The following DCAF8 variants were observed in gnomAD, a reference collection of about 807,000 sequenced individuals.
DCAF8 encodes DDB1- and CUL4-associated factor 8.
A neutral mutation model predicts 68.0 loss-of-function variants in DCAF8; 20 were observed. That is an observed-to-expected ratio of 0.29 (90% CI 0.21 to 0.43). The LOEUF is 0.43. DCAF8 is among the 20% of genes least tolerant of loss of function. The pLI, the probability that DCAF8 is intolerant of heterozygous loss-of-function variation, is 1.00. For missense variants in DCAF8, 460 were observed against 771.0 expected, an observed-to-expected ratio of 0.60 and a Z score of 4.78; for synonymous variants, 230 against 276.9, an observed-to-expected ratio of 0.83 and a Z score of 1.68.
At chr1:160,249,294 T>C (rs1656482321) in intron 2 of DCAF8, among the ~76,000 whole-genome samples, 1 of 152,214 alleles carries the variant, frequency 6.6e-6, no homozygotes. Context: ...GAGAATCCAC[T>C]AAACACTTAT....
intron 11 of DCAF8, 37 bp downstream of exon 11, chr1:160,222,614 G>C: frequency 6.2e-7 from 1 of 1,611,786 alleles, no homozygotes; most frequent in Non-Finnish European, 8.5e-7. Context: ...TGACTGGAGA[G>C]ATTAGGGAGC....
intron 3 of DCAF8, among the ~76,000 whole-genome samples, 161 bp downstream of exon 3, chr1:160,243,799 A>G (rs1298094154): frequency 1.3e-5 from 2 of 152,244 alleles, no homozygotes; most frequent in African/African-American, 2.4e-5. Flanking sequence ...GCAAAAGCAT[A>G]ATATAGTCCA....
At position 160,225,262 on chromosome 1, in the gene DCAF8, G is replaced by A. The variant is rs1336763602; in HGVS notation, c.1144-143C>T. On this transcript the variant is annotated intron_variant, in intron 8 of 13. Transcript: ENST00000368074. ...AGACAGAGACAAGAGTACAACTGAT[G>A]AAACATGACCACCTCAGGGGGTAGC... The A allele has an allele frequency of 2.1e-5, 17 of 803,696 alleles. No homozygotes were observed. In the South Asian group the frequency reaches 2.9e-4, roughly 14 times the overall value. 49.8% of individuals were successfully genotyped at this position (803,696 alleles called of 1,614,324 possible).
intron 9 of DCAF8, 77 bp downstream of exon 9, chr1:160,224,985 G>T: frequency 7.2e-7 from 1 of 1,389,764 alleles, no homozygotes; most frequent in Non-Finnish European, 1.0e-6. Flanking sequence ...GCACTGGAGG[G>T]CACATGCCTC....
chr1:160,258,357 G>T (rs1300949501), intron 2 of DCAF8, among the ~76,000 whole-genome samples: 1 of 152,000 alleles, frequency 6.6e-6, no homozygotes, highest in Admixed American at 6.6e-5. Flanking sequence ...TAAATAAATA[G>T]ACTGCACTTT....
At chr1:160,239,590 T>C (rs757657100) in intron 4 of DCAF8, 107 bp downstream of exon 4, 7 of 1,609,700 alleles carry the variant, frequency 4.3e-6, no homozygotes, top group Non-Finnish European at 5.9e-6. Flanking sequence ...TGTCCCGATA[T>C]GTAATTCCTA....
intron 2 of DCAF8, among the ~76,000 whole-genome samples, chr1:160,256,549 T>C (rs150470237): frequency 1.3e-5 from 2 of 152,146 alleles, no homozygotes; most frequent in African/African-American, 4.8e-5. Context: ...TATAGTAGCT[T>C]TCCAGATGGC....
At position 160,222,847 on chromosome 1, in the gene DCAF8, A is replaced by G. The variant is rs563796179; in HGVS notation, c.1310-66T>C. On this transcript the variant is annotated intron_variant, in intron 10 of 13. Coordinates refer to ENST00000368074, the MANE Select transcript of DCAF8 (RefSeq NM_015726.4). ...CATCAGGCCTATATACATTCATCTC[A>G]AAGGGAATTTAGTTATTCACAAACT... 10 of 1,595,050 alleles carry G rather than the reference A, an allele frequency of 6.3e-6. No individual in the cohort carries two copies. The African/African-American group carries it at 8.1e-5, about 13-fold the overall frequency.
rs533609755 is a variant in DCAF8 at position 160,239,164 on chromosome 1, C to T, written c.724-417G>A. 2.8e-4 allele frequency: 298 copies of T among 1,064,280 alleles called. 2 individuals are homozygous for T. Among genetic ancestry groups the T allele is most frequent in the Middle Eastern group, 4.4e-4 (1 of 2,274 alleles). The allele number at this position is 1,064,280 out of a possible 1,614,324, so 65.9% of individuals were successfully genotyped here. A position where few individuals can be genotyped will look rare whatever the true frequency, so the allele number is the denominator to read the frequency against. ...ACACCCTTAGGATAAATGGCTGGTACCAGTACAGTAGATGGGGCCAAGGAG... is the reference window on the plus strand; with the variant it reads ...ACACCCTTAGGATAAATGGCTGGTATCAGTACAGTAGATGGGGCCAAGGAG... On this transcript the variant is annotated intron_variant, in intron 4 of 13. Coordinates refer to ENST00000368074, the MANE Select transcript of DCAF8 (RefSeq NM_015726.4).
chr1:160,239,303 A>C, intron 4 of DCAF8: 1 of 1,132,746 alleles, frequency 8.8e-7, no homozygotes, highest in Non-Finnish European at 1.2e-6. Flanking sequence ...TCATAACCCT[A>C]TGTGTTATTA....
At chr1:160,230,642 C>T (rs1207994799) in intron 7 of DCAF8, among the ~76,000 whole-genome samples, 3 of 152,162 alleles carry the variant, frequency 2.0e-5, no homozygotes, top group South Asian at 4.1e-4. Context: ...TTCTAGTGCA[C>T]GTTTATTTAC....
At chr1:160,253,375 G>A (rs944871071) in intron 2 of DCAF8, among the ~76,000 whole-genome samples, 2 of 151,942 alleles carry the variant, frequency 1.3e-5, no homozygotes, top group Non-Finnish European at 1.5e-5. Context: ...AGTGGCTGAC[G>A]TCTAAGTGAC....
chr1:160,222,103 C>T (rs1254798322), intron 11 of DCAF8, among the ~76,000 whole-genome samples: 1 of 152,244 alleles, frequency 6.6e-6, no homozygotes, highest in Non-Finnish European at 1.5e-5. Context: ...CCCCTAAATA[C>T]TTCAACATGT....
rs11265356 is a variant in DCAF8 at position 160,217,103 on chromosome 1, G to A, written c.*489C>T. ...CTGGGATGGGGTTGCTGGGGGTGGG[G>A]GGGGAGCCAACTGTCATAAACTTTT... On this transcript the variant is annotated 3_prime_UTR_variant, in exon 14 of 14. Coordinates refer to ENST00000368074, the MANE Select transcript of DCAF8 (RefSeq NM_015726.4). 0.07 allele frequency: 10,611 copies of A among 152,388 alleles called. 1,279 individuals carry two copies. Among genetic ancestry groups the A allele is most frequent in the African/African-American group, 0.24 (10,046 of 41,280 alleles). 9.4% of individuals were successfully genotyped at this position (152,388 alleles called of 1,614,324 possible).
intron 7 of DCAF8, among the ~76,000 whole-genome samples, chr1:160,230,001 T>C (rs1655617190): frequency 6.6e-6 from 1 of 151,088 alleles, no homozygotes; most frequent in Admixed American, 6.6e-5. Context: ...CCAGCATGGG[T>C]AATAAGAGTA....
chr1:160,222,344 C>T (rs534562409), intron 11 of DCAF8, among the ~76,000 whole-genome samples: 51 of 152,270 alleles, frequency 3.3e-4, no homozygotes, highest in African/African-American at 1.2e-3. Context: ...TGAACACTAA[C>T]GCTTTTTCAT....
At chr1:160,257,471 T>C (rs1656883018) in intron 2 of DCAF8, among the ~76,000 whole-genome samples, 1 of 152,200 alleles carries the variant, frequency 6.6e-6, no homozygotes, top group Non-Finnish European at 1.5e-5. Flanking sequence ...AATAGTCACT[T>C]TATGATTTTA....
intron 10 of DCAF8, among the ~76,000 whole-genome samples, chr1:160,223,313 A>G (rs1334117618): frequency 1.3e-5 from 2 of 152,222 alleles, no homozygotes; most frequent in Non-Finnish European, 2.9e-5. Flanking sequence ...TGGTCAGTAC[A>G]ATATTGGCCA....
intron 6 of DCAF8, among the ~76,000 whole-genome samples, chr1:160,234,007 G>A (rs899003743): frequency 6.6e-6 from 1 of 152,062 alleles, no homozygotes; most frequent in Non-Finnish European, 1.5e-5. Flanking sequence ...TGAGACCAAA[G>A]GATTTCTTTG....
Sources: allele counts gnomAD v4.1 joint callset (sites outside exome capture counted in the v4.1 genomes callset), GRCh38; gene constraint gnomAD v4.1.1; transcripts MANE v1.5; gene names NCBI Gene and HGNC (gene_info 2026-07-23, HGNC 2026-07-21).